TXNDC11: variants seen among roughly 807,000 people sequenced by gnomAD.
TXNDC11 encodes the protein thioredoxin domain containing 11.
A neutral mutation model predicts 78.0 loss-of-function variants in TXNDC11; 68 were observed. The observed-to-expected ratio is 0.87, with a 90% CI of 0.72 to 1.07. TXNDC11 has a LOEUF of 1.07. Ranked by LOEUF, TXNDC11 falls within the 50% of genes least tolerant of loss-of-function variation. The pLI, the probability that TXNDC11 is intolerant of heterozygous loss-of-function variation, is 0.00. For synonymous variants in TXNDC11, 571 were observed against 495.2 expected, an observed-to-expected ratio of 1.15 and a Z score of -2.03; for missense variants, 1,389 against 1,221.8, an observed-to-expected ratio of 1.14 and a Z score of -2.04.
intron 2 of TXNDC11, among the ~76,000 whole-genome samples, chr16:11,734,768 A>G (rs1438759364): frequency 6.6e-6 from 1 of 152,250 alleles, no homozygotes; most frequent in Non-Finnish European, 1.5e-5. Context: ...AAGAAAAACC[A>G]AATGACAGTT....
At chr16:11,713,312 G>A (rs948595488) in intron 5 of TXNDC11, among the ~76,000 whole-genome samples, 4 of 151,510 alleles carry the variant, frequency 2.6e-5, no homozygotes, top group Non-Finnish European at 4.4e-5. Context: ...AAATCATAAT[G>A]GAAATAAAAG....
At chr16:11,688,000 C>A in intron 9 of TXNDC11, 34 bp from the exon 10 acceptor site, 1 of 1,468,416 alleles carries the variant, frequency 6.8e-7, no homozygotes, top group Non-Finnish European at 9.5e-7. Context: ...TTACTTGCAC[C>A]GGGAAATGGG....
At chr16:11,725,912 G>A (rs1283037255) in intron 4 of TXNDC11, among the ~76,000 whole-genome samples, 1 of 152,110 alleles carries the variant, frequency 6.6e-6, no homozygotes, top group Non-Finnish European at 1.5e-5. Flanking sequence ...GTCTCACTCT[G>A]TTGCCCAGGA....
intron 5 of TXNDC11, among the ~76,000 whole-genome samples, chr16:11,717,112 A>G (rs1199205712): frequency 6.6e-6 from 1 of 151,468 alleles, no homozygotes; most frequent in Admixed American, 6.6e-5. Context: ...TTTCAGGAAA[A>G]AAAAAAAAAA....
chr16:11,737,464 A>T lies in TXNDC11; in HGVS notation c.255-1231T>A, dbSNP rs148387032. ...CCATCTAAAAAAAAAAAAAAGAAAG[A>T]AAGTAAGTAAAGGAACAAGAAAAGA... On this transcript the variant is annotated intron_variant, in intron 1 of 11. Transcript: ENST00000283033. Among the ~76,000 whole-genome samples the T allele has an allele frequency of 2.2e-3, 335 of 152,052 alleles. 2 individuals carry two copies. Among genetic ancestry groups the T allele is most frequent in the African/African-American group, 7.3e-3 (303 of 41,480 alleles).
intron 7 of TXNDC11, chr16:11,692,303 T>C (rs2050743763): frequency 2.1e-6 from 1 of 483,948 alleles, no homozygotes; most frequent in East Asian, 3.3e-5. Context: ...CTGCGAGCCA[T>C]CCCTTTGTCC....
intron 7 of TXNDC11, among the ~76,000 whole-genome samples, chr16:11,693,382 C>G (rs1274923400): frequency 2.6e-5 from 4 of 152,166 alleles, no homozygotes; most frequent in Admixed American, 2.0e-4. Context: ...CTCTCTAAAA[C>G]AGAAGAGTCT....
intron 7 of TXNDC11, among the ~76,000 whole-genome samples, chr16:11,693,645 A>G (rs2050779844): frequency 6.6e-6 from 1 of 152,270 alleles, no homozygotes; most frequent in Non-Finnish European, 1.5e-5. Context: ...CGGCATAAAA[A>G]AAGTCACTTT....
intron 3 of TXNDC11, among the ~76,000 whole-genome samples, chr16:11,731,137 G>A (rs1349353236): frequency 1.3e-5 from 2 of 152,094 alleles, no homozygotes; most frequent in Non-Finnish European, 2.9e-5. Flanking sequence ...ACATGCTAAG[G>A]GATTCCAGGA....
intron 5 of TXNDC11, among the ~76,000 whole-genome samples, chr16:11,713,616 G>A (rs889557276): frequency 1.3e-5 from 2 of 152,072 alleles, no homozygotes; most frequent in Non-Finnish European, 2.9e-5. Context: ...GGGTTTCTCC[G>A]TGTTGGTCAG....
In TXNDC11 at chr16:11,708,945, T is replaced by C. The variant is rs558959924; in HGVS notation, c.794-8381A>G. Reference sequence around the variant, plus strand: ...AACCCCTCTAATTTTAATATTTACATAGTGATTCACTTTTCAAGTTCTTCA... The same window carrying C: ...AACCCCTCTAATTTTAATATTTACACAGTGATTCACTTTTCAAGTTCTTCA... On this transcript the variant is annotated intron_variant, in intron 5 of 11. Transcript: ENST00000283033. Among the ~76,000 whole-genome samples, 181 of 152,352 alleles carry C rather than the reference T, an allele frequency of 1.2e-3. 2 individuals are homozygous for C. The highest frequency in any genetic ancestry group is 8.1e-3 in the Admixed American group (124 of 15,304).
intron 4 of TXNDC11, among the ~76,000 whole-genome samples, chr16:11,726,426 C>T (rs1312793753): frequency 6.6e-6 from 1 of 151,652 alleles, no homozygotes; most frequent in South Asian, 2.1e-4. Flanking sequence ...ACTAAAAATA[C>T]AAAAATTAAC....
rs777091720 is a variant in TXNDC11, at chr16:11,687,904, G to A, written c.2106C>T (p.Phe702=). Residue 702 remains phenylalanine (F), a synonymous_variant, in exon 10 of 12, where the codon TTC becomes TTT. Transcript: ENST00000283033. ...CGFCPSLNHI[F]IQLARNLPMD... Reference sequence around the variant, plus strand: ...TGGGCAGGTTCCGAGCTAGCTGGATGAAGATGTGATTGAGGGATGGACAGA... The same window carrying A: ...TGGGCAGGTTCCGAGCTAGCTGGATAAAGATGTGATTGAGGGATGGACAGA... The A allele has an allele frequency of 1.9e-6, 3 of 1,613,978 alleles. No individual in the cohort carries two copies. The highest frequency in any genetic ancestry group is 1.7e-5 in the Admixed American group (1 of 60,014).
rs140673231 is a variant in TXNDC11, at chr16:11,686,654, A to G, written c.2153+1203T>C. On this transcript the variant is annotated intron_variant, in intron 10 of 11. Transcript: ENST00000283033. ...AAACCACTGATTACTTTAATATGTT[A>G]AATGATACTTTGTTACTGTTTTAAT... Among the ~76,000 whole-genome samples, 137 of 152,364 alleles carry G rather than the reference A, an allele frequency of 9.0e-4. 1 individual carries two copies. The East Asian group carries it at 0.025, about 28-fold the overall frequency.
intron 5 of TXNDC11, among the ~76,000 whole-genome samples, chr16:11,707,253 C>T (rs2051208840): frequency 6.6e-6 from 1 of 151,636 alleles, no homozygotes; most frequent in Admixed American, 6.6e-5. Flanking sequence ...CTGGTGAAAC[C>T]CCATCTCTAC....
rs542548901 is a variant in TXNDC11, at chr16:11,697,072, G to T, written c.1107+1053C>A. Among the ~76,000 whole-genome samples the T allele has an allele frequency of 1.4e-4, 21 of 152,306 alleles. No homozygotes were observed. In the South Asian group the frequency reaches 1.4e-3, roughly 11 times the overall value. ...ATCCATGTAGTGAAAATTTTCTAAAGAAATAGTTTTATTACTTTGAGTCCT... is the reference window on the plus strand; with the variant it reads ...ATCCATGTAGTGAAAATTTTCTAAATAAATAGTTTTATTACTTTGAGTCCT... On this transcript the variant is annotated intron_variant, in intron 7 of 11. Transcript: ENST00000283033.
Position 11,679,333 on chromosome 16 carries a change from G to A in TXNDC11, c.2739C>T (p.Ser913=). Residue 913 remains serine (S), a synonymous_variant, in exon 12 of 12, where the codon AGC becomes AGT. Transcript: ENST00000283033. This position sits in a 1 kb window ranked among gnomAD's most constrained non-coding sequence, Gnocchi z 4.6. ...RKLEGRDGAE[S]LAAQREVHPK... is the part of the protein sequence containing the mutation. Reference sequence around the variant, plus strand: ...GGTGGACCTCTCTCTGGGCCGCCAGGCTTTCAGCTCCATCCCTGCCCTCCA... The same window carrying A: ...GGTGGACCTCTCTCTGGGCCGCCAGACTTTCAGCTCCATCCCTGCCCTCCA... 1 of 1,612,722 alleles carries A rather than the reference G, an allele frequency of 6.2e-7. No homozygotes were observed. Among genetic ancestry groups the A allele is most frequent in the South Asian group, 1.1e-5 (1 of 91,024 alleles).
intron 5 of TXNDC11, among the ~76,000 whole-genome samples, chr16:11,720,223 G>T (rs1326736709): frequency 6.6e-6 from 1 of 152,120 alleles, no homozygotes; most frequent in Non-Finnish European, 1.5e-5. Flanking sequence ...ATTCAACTAA[G>T]TCAAAGAAAA....
At chr16:11,693,076 C>T (rs1452164377) in intron 7 of TXNDC11, among the ~76,000 whole-genome samples, 1 of 152,294 alleles carries the variant, frequency 6.6e-6, no homozygotes, top group South Asian at 2.1e-4. Flanking sequence ...CACAAACTTA[C>T]AGAACCTCAC....
Sources: gnomAD v4.1 joint callset for allele counts (sites outside exome capture counted in the v4.1 genomes callset) on GRCh38, gnomAD v4.1.1 for gene constraint, Gnocchi (gnomAD v3.1) non-coding constraint, MANE v1.5 for transcripts, NCBI Gene and HGNC (gene_info 2026-07-23, HGNC 2026-07-21) for gene names.